The following INO80C variants were observed in gnomAD, a reference collection of about 807,000 sequenced individuals.
INO80C encodes the protein INO80 complex subunit C.
In INO80C, 17 loss-of-function variants were observed where a neutral mutation model predicts 17.7. The ratio of observed to expected loss-of-function variants is 0.96; its 90% CI spans 0.66 to 1.44. The LOEUF is 1.44. Among genes scored for constraint, INO80C ranks in the 40% most tolerant of loss-of-function variants. INO80C has a pLI of 0.00. For missense variants in INO80C, 244 were observed against 245.0 expected (o/e 1.00, Z 0.03); for synonymous variants, 96 against 95.8 (o/e 1.00, Z -0.01).
chr18:35,486,031 A>T (rs1026483798), intron 1 of INO80C, among the ~76,000 whole-genome samples: 2 of 152,262 alleles, frequency 1.3e-5, no homozygotes, highest in African/African-American at 4.8e-5. Context: ...CCAGAGGCTG[A>T]GGCAAGTTCA....
rs2045777327 is a variant in INO80C, at chr18:35,479,328, T to A, written c.351A>T (p.Ala117=). 1.2e-6 allele frequency: 2 copies of A among 1,613,678 alleles called. No homozygotes were observed. The part of the protein sequence containing the change: ...NLKQILASER[A]LPWQLNDPNY... Reference sequence around the variant, plus strand: ...TAGGATCGTTCAGTTGCCACGGCAATGCCCTTTCAGAAGCGAGGATTTGTT... The same window carrying A: ...TAGGATCGTTCAGTTGCCACGGCAAAGCCCTTTCAGAAGCGAGGATTTGTT... The change falls in exon 3 of 5, where the codon GCA becomes GCT. Residue 117 remains alanine, a synonymous_variant. Coordinates refer to ENST00000334598, the MANE Select transcript of INO80C (RefSeq NM_194281.4).
chr18:35,474,093 C>T (rs746484662), intron 4 of INO80C, among the ~76,000 whole-genome samples: 2 of 149,412 alleles, frequency 1.3e-5, no homozygotes, highest in Non-Finnish European at 3.0e-5. Flanking sequence ...CCAAGATGAA[C>T]CAAATGTTGG....
chr18:35,485,441 G>A (rs532146569), intron 1 of INO80C, among the ~76,000 whole-genome samples: 2 of 152,222 alleles, frequency 1.3e-5, no homozygotes, highest in South Asian at 2.1e-4. Context: ...CAGTAAGCAC[G>A]TGAAAAGATG....
At chr18:35,479,457 C>T (rs1021967578) in intron 2 of INO80C, 46 bp from the exon 3 acceptor site, 1 of 1,193,602 alleles carries the variant, frequency 8.4e-7, no homozygotes, top group Non-Finnish European at 1.2e-6. Flanking sequence ...CCAATGGAGA[C>T]TACCATTTCG....
At chr18:35,491,941 G>A (rs546267236) in intron 1 of INO80C, among the ~76,000 whole-genome samples, 1 of 152,134 alleles carries the variant, frequency 6.6e-6, no homozygotes, top group Non-Finnish European at 1.5e-5. Context: ...TGCTACTCAG[G>A]AAACACACGC....
At position 35,485,695 on chromosome 18, in the gene INO80C, A is replaced by C. The variant is rs576373742; in HGVS notation, c.157-5132T>G. On this transcript the variant is annotated intron_variant, in intron 1 of 4. Coordinates refer to ENST00000334598, the MANE Select transcript of INO80C (RefSeq NM_194281.4). The stretch of plus-strand genomic sequence containing the variant: ...AATTATCATATGACCCAATAATTTA[A>C]CTTCTAGGTATACACTCAAAGAGAA... Among the ~76,000 whole-genome samples the C allele has an allele frequency of 6.6e-5, 10 of 152,370 alleles. No individual in the cohort carries two copies. In the East Asian group the frequency reaches 1.9e-3, roughly 29 times the overall value.
intron 1 of INO80C, among the ~76,000 whole-genome samples, chr18:35,496,248 G>A (rs1944507860): frequency 6.6e-6 from 1 of 151,774 alleles, no homozygotes; most frequent in Admixed American, 6.6e-5. Flanking sequence ...AACTGTAAAC[G>A]TTCAAATATT....
chr18:35,480,145 C>T (rs2045788397), intron 2 of INO80C, among the ~76,000 whole-genome samples: 1 of 152,154 alleles, frequency 6.6e-6, no homozygotes, highest in Non-Finnish European at 1.5e-5. Context: ...CTAAATATTT[C>T]AAGCTTTGTC....
chr18:35,474,944 A>G (rs1242393685), intron 4 of INO80C, among the ~76,000 whole-genome samples: 1 of 152,206 alleles, frequency 6.6e-6, no homozygotes, highest in African/African-American at 2.4e-5. Context: ...TTGGGACACT[A>G]TCAAATAGTT....
At chr18:35,476,750 C>T (rs976210116) in intron 4 of INO80C, among the ~76,000 whole-genome samples, 5 of 152,080 alleles carry the variant, frequency 3.3e-5, no homozygotes, top group African/African-American at 1.2e-4. Flanking sequence ...TCTTTAATCC[C>T]AGCACTTTGA....
intron 4 of INO80C, among the ~76,000 whole-genome samples, chr18:35,474,509 A>G (rs1446220089): frequency 1.3e-5 from 2 of 151,382 alleles, no homozygotes; most frequent in Non-Finnish European, 2.9e-5. Context: ...GCAACACAGT[A>G]AGACCCCTTC....
At chr18:35,474,109 G>A (rs1208423276) in intron 4 of INO80C, among the ~76,000 whole-genome samples, 2 of 147,994 alleles carry the variant, frequency 1.4e-5, no homozygotes, top group African/African-American at 5.0e-5. Context: ...GTTGGACACA[G>A]CAGATAAATA....
intron 1 of INO80C, among the ~76,000 whole-genome samples, chr18:35,484,894 T>C (rs1043100106): frequency 3.9e-5 from 6 of 152,208 alleles, no homozygotes; most frequent in African/African-American, 1.4e-4. Context: ...AGAAAGCACT[T>C]GTGTCAGTTT....
At chr18:35,497,534 G>A (rs2045996177) in intron 1 of INO80C, 185 bp downstream of exon 1, 8 of 1,397,682 alleles carry the variant, frequency 5.7e-6, no homozygotes, top group Non-Finnish European at 7.4e-6. Context: ...AACACAAGGC[G>A]TTGTAAGCCC....
chr18:35,474,978 T>G (rs2045717454), intron 4 of INO80C, among the ~76,000 whole-genome samples: 3 of 152,124 alleles, frequency 2.0e-5, no homozygotes, highest in African/African-American at 7.2e-5. Context: ...ACTGGAATCC[T>G]AGAAGAAGGG....
chr18:35,488,800 C>T (rs563943357), intron 1 of INO80C, among the ~76,000 whole-genome samples: 16 of 152,292 alleles, frequency 1.1e-4, no homozygotes, highest in African/African-American at 3.9e-4. Flanking sequence ...GACTTTTATG[C>T]TCTGTTTCCC....
intron 1 of INO80C, among the ~76,000 whole-genome samples, chr18:35,485,214 T>G (rs1025869548): frequency 8.5e-5 from 13 of 152,196 alleles, no homozygotes; most frequent in African/African-American, 2.9e-4. Context: ...GTACCAAAAC[T>G]TAGTCCATAA....
intron 1 of INO80C, among the ~76,000 whole-genome samples, chr18:35,496,010 A>G (rs2045977154): frequency 6.6e-6 from 1 of 152,206 alleles, no homozygotes; most frequent in Non-Finnish European, 1.5e-5. Flanking sequence ...AAGACTGACA[A>G]TACTCTGTAT....
Position 35,491,039 on chromosome 18 carries a change from T to G in INO80C, c.156+6680A>C, listed in dbSNP as rs183868714. Among the ~76,000 whole-genome samples the G allele has an allele frequency of 3.5e-4, 53 of 152,342 alleles. 2 individuals carry two copies. In the East Asian group the frequency reaches 8.9e-3, roughly 25 times the overall value. On this transcript the variant is annotated intron_variant, in intron 1 of 4. Transcript: ENST00000334598. ...CCTCCCAAAGTGCTGGGATTCCAGG[T>G]GTGAGCCACTGCGCCTGGCCAAATA...
Sources: gnomAD v4.1 joint callset for allele counts (sites outside exome capture counted in the v4.1 genomes callset) on GRCh38, gnomAD v4.1.1 for gene constraint, MANE v1.5 for transcripts, NCBI Gene and HGNC (gene_info 2026-07-23, HGNC 2026-07-21) for gene names.